SAMD5: variants seen among roughly 807,000 people sequenced by gnomAD.
The protein encoded by SAMD5 is sterile alpha motif domain containing 5, also known as sterile alpha motif domain-containing protein 5.
A neutral mutation model predicts 11.3 loss-of-function variants in SAMD5; 13 were observed. The ratio of observed to expected loss-of-function variants is 1.15; its 90% confidence interval spans 0.75 to 1.83. The LOEUF (loss-of-function observed/expected upper bound fraction) is 1.83, where lower values mean the gene tolerates loss of function less well. Among genes scored for constraint, SAMD5 ranks in the 40% most tolerant of loss-of-function variants. SAMD5 has a pLI of 0.00. For synonymous variants in SAMD5, 129 were observed against 111.3 expected, an observed-to-expected ratio of 1.16 and a Z score of -1.00; for missense variants, 255 against 239.1, an observed-to-expected ratio of 1.07 and a Z score of -0.44.
At chr6:147,751,461 A>G in the SAMD5 span, among the ~76,000 whole-genome samples, 5 of 152,172 alleles carry the variant, frequency 3.3e-5, no homozygotes, top group Non-Finnish European at 7.3e-5. Context: ...AAGCCTCAGC[A>G]AGCACTTGTT....
At chr6:147,778,316 G>A in the SAMD5 span, among the ~76,000 whole-genome samples, 2 of 152,096 alleles carry the variant, frequency 1.3e-5, no homozygotes, top group African/African-American at 2.4e-5. Flanking sequence ...TGGACATACT[G>A]ATGTATATTG....
intron 1 of SAMD5, among the ~76,000 whole-genome samples, chr6:147,578,786 C>T (rs1386346737): frequency 1.2e-5 from 1 of 81,510 alleles, no homozygotes; most frequent in Non-Finnish European, 2.4e-5. Flanking sequence ...GTAATATCTG[C>T]GAAGTAAAAA....
the SAMD5 span, among the ~76,000 whole-genome samples, chr6:147,896,391 G>A: frequency 2.6e-5 from 4 of 152,016 alleles, no homozygotes; most frequent in Non-Finnish European, 4.4e-5. Flanking sequence ...GGGGGAGCTC[G>A]GAGACAGGAC....
chr6:147,915,563 A>G, the SAMD5 span, among the ~76,000 whole-genome samples: 1 of 152,230 alleles, frequency 6.6e-6, no homozygotes, highest in African/African-American at 2.4e-5. Flanking sequence ...TCTTGAGGAT[A>G]AGCCATTGCG....
At chr6:147,743,502 CAAAA>C in the SAMD5 span, among the ~76,000 whole-genome samples, 1 of 119,680 alleles carries the variant, frequency 8.4e-6, no homozygotes, top group East Asian at 2.5e-4. Context: ...GACTCTGTCT[CAAAA>C]AAAAAAAAAA....
the SAMD5 span, among the ~76,000 whole-genome samples, chr6:147,899,982 G>A: frequency 6.6e-6 from 1 of 152,202 alleles, no homozygotes; most frequent in African/African-American, 2.4e-5. Flanking sequence ...GAAGGAAGAA[G>A]GGAAGCAAGA....
the SAMD5 span, among the ~76,000 whole-genome samples, chr6:147,910,863 C>T: frequency 2.0e-5 from 3 of 152,142 alleles, no homozygotes; most frequent in South Asian, 2.1e-4. Context: ...TTTCAGTGAT[C>T]GGGATCCTCA....
chr6:147,600,132 C>A (rs1222554512), intron 1 of SAMD5, among the ~76,000 whole-genome samples: 2 of 152,142 alleles, frequency 1.3e-5, no homozygotes, highest in Non-Finnish European at 2.9e-5. Flanking sequence ...GTGGTCAGAA[C>A]AGGTGCTAGA....
chr6:147,523,791 T>C (rs1788291749), intron 1 of SAMD5, among the ~76,000 whole-genome samples: 1 of 152,208 alleles, frequency 6.6e-6, no homozygotes, highest in African/African-American at 2.4e-5. Flanking sequence ...AATCTGTTAA[T>C]TACCTGCACA....
downstream of SAMD5, among the ~76,000 whole-genome samples, chr6:147,573,814 GAT>G (rs1789173689): frequency 6.6e-6 from 1 of 152,148 alleles, no homozygotes; most frequent in Non-Finnish European, 1.5e-5. Flanking sequence ...TTGTTTTCAA[GAT>G]ATGCTAGAAT....
chr6:147,886,952 T>G, the SAMD5 span, among the ~76,000 whole-genome samples: 1 of 152,182 alleles, frequency 6.6e-6, no homozygotes, highest in Non-Finnish European at 1.5e-5. Context: ...AGCCACCAGA[T>G]GAGAATACAG....
At chr6:147,795,899 T>C in the SAMD5 span, among the ~76,000 whole-genome samples, 1 of 152,170 alleles carries the variant, frequency 6.6e-6, no homozygotes, top group Admixed American at 6.5e-5. Flanking sequence ...CTTCGCCCAC[T>C]CTTTGATGGG....
the SAMD5 span, among the ~76,000 whole-genome samples, chr6:147,804,912 G>C: frequency 6.6e-6 from 1 of 152,142 alleles, no homozygotes; most frequent in Non-Finnish European, 1.5e-5. Flanking sequence ...GAAAAAGAAA[G>C]AATTGTTACA....
At chr6:147,646,173 A>C (rs1362539493) in intron 1 of SAMD5, among the ~76,000 whole-genome samples, 1 of 152,092 alleles carries the variant, frequency 6.6e-6, no homozygotes, top group Non-Finnish European at 1.5e-5. Context: ...TGACTCCCTC[A>C]AAACTTAAAG....
the SAMD5 span, among the ~76,000 whole-genome samples, chr6:147,797,511 A>G: frequency 2.9e-5 from 2 of 67,896 alleles, no homozygotes; most frequent in South Asian, 1.2e-3. Context: ...TTCATCAAGG[A>G]TATTGGTCTA....
chr6:147,743,468 A>C, the SAMD5 span: 1 of 151,728 alleles, frequency 6.6e-6, no homozygotes, highest in Non-Finnish European at 1.5e-5. Context: ...GTGCCACTGC[A>C]CTCCAGCCTG....
the SAMD5 span, among the ~76,000 whole-genome samples, chr6:147,821,213 T>C: frequency 6.6e-6 from 1 of 152,270 alleles, no homozygotes; most frequent in African/African-American, 2.4e-5. Context: ...AAAACATTTA[T>C]ATTCTATAAT....
the SAMD5 span, among the ~76,000 whole-genome samples, chr6:147,935,869 G>C: frequency 2.0e-3 from 310 of 152,230 alleles, 4 homozygotes; most frequent in Non-Finnish European, 3.8e-4. Flanking sequence ...GTAATTCTGG[G>C]GCTAAACTCA....
intron 1 of SAMD5, among the ~76,000 whole-genome samples, chr6:147,514,692 T>TG (rs1323767148): frequency 2.0e-5 from 3 of 151,996 alleles, no homozygotes; most frequent in Non-Finnish European, 1.5e-5. Context: ...GTAAATAGTG[T>TG]GGGGGAGGCA....
Sources: gnomAD v4.1 joint callset for allele counts (sites outside exome capture counted in the v4.1 genomes callset) on GRCh38, gnomAD v4.1.1 for gene constraint, MANE v1.5 for transcripts, NCBI Gene and HGNC (gene_info 2026-07-23, HGNC 2026-07-21) for gene names.